The following ASPH variants were observed in gnomAD, a reference collection of about 807,000 sequenced individuals.
The protein encoded by ASPH is aspartate beta-hydroxylase.
A neutral mutation model predicts 118.4 loss-of-function variants in ASPH; 100 were observed. The ratio of observed to expected loss-of-function variants is 0.84; its 90% CI spans 0.72 to 1.00. The LOEUF is 1.00. ASPH is among the 50% of genes least tolerant of loss of function. The probability of loss-of-function intolerance (pLI) is 0.00; values close to 1 mark genes in which losing one functional copy is unlikely to be tolerated. For synonymous variants in ASPH, 315 were observed against 325.6 expected (o/e 0.97, Z 0.35); for missense variants, 920 against 919.5 (o/e 1.00, Z -0.01).
At chr8:61,625,312 C>T in intron 13 of ASPH, 1 of 985,800 alleles carries the variant, frequency 1.0e-6, no homozygotes, top group East Asian at 1.1e-4. Context: ...GAGCTTTTCA[C>T]ACATCCTCAA....
chr8:61,644,699 T>C (rs1806986334), intron 6 of ASPH, 67 bp from the exon 7 acceptor site: 3 of 1,210,794 alleles, frequency 2.5e-6, no homozygotes, highest in Non-Finnish European at 1.1e-6. Context: ...ATCCCGTATA[T>C]GTACTCTGAA....
chr8:61,645,480 AG>A lies in ASPH; in HGVS notation c.620-849del, dbSNP rs199658072. On this transcript the variant is annotated intron_variant, in intron 6 of 24. Transcript: ENST00000379454. Reference sequence around the variant, plus strand: ...CCAAAGACTGGAGAGAAGAAGCAACAGGAAATGTGGAAATCATTTTATCAGT... The same window carrying A: ...CCAAAGACTGGAGAGAAGAAGCAACAGAAATGTGGAAATCATTTTATCAGT... Among the ~76,000 whole-genome samples the A allele has an allele frequency of 5.6e-3, 846 of 152,364 alleles. 8 individuals are homozygous for A. The highest frequency in any genetic ancestry group is 0.019 in the African/African-American group (807 of 41,588).
At chr8:61,582,495 T>C (rs1443190436) in intron 15 of ASPH, among the ~76,000 whole-genome samples, 1 of 152,226 alleles carries the variant, frequency 6.6e-6, no homozygotes, top group Non-Finnish European at 1.5e-5. Context: ...CTTCACTTCA[T>C]AAAGTTAAAC....
intron 13 of ASPH, among the ~76,000 whole-genome samples, chr8:61,627,913 A>C (rs1319975612): frequency 6.6e-6 from 1 of 152,102 alleles, no homozygotes; most frequent in African/African-American, 2.4e-5. Context: ...CTCAAGCCAG[A>C]AATGTAGGAA....
intron 21 of ASPH, among the ~76,000 whole-genome samples, chr8:61,540,153 C>T (rs1438212503): frequency 6.6e-6 from 1 of 152,140 alleles, no homozygotes; most frequent in Non-Finnish European, 1.5e-5. Context: ...CTCCACACTC[C>T]TAGTGCTAGA....
intron 24 of ASPH, among the ~76,000 whole-genome samples, chr8:61,514,741 G>A (rs1240975289): frequency 6.6e-6 from 1 of 151,888 alleles, no homozygotes; most frequent in African/African-American, 2.4e-5. Context: ...AAAAAAACTT[G>A]TTTTTGTGGA....
rs746885529 is a variant in ASPH, at chr8:61,643,343, C to G, written c.757+43G>C. On this transcript the variant is annotated intron_variant, in intron 9 of 24. Coordinates refer to ENST00000379454, the MANE Select transcript of ASPH (RefSeq NM_004318.4). ...TAAACACAGCATGTGATTGAAAAAT[C>G]TAAGGTAATATTTTAAATCTAATGA... 2.2e-5 allele frequency: 34 copies of G among 1,565,180 alleles called. No homozygotes were observed. In the South Asian group the frequency reaches 3.9e-4, roughly 18 times the overall value.
At chr8:61,662,945 C>A in intron 3 of ASPH, 4 of 985,220 alleles carry the variant, frequency 4.1e-6, no homozygotes, top group Non-Finnish European at 4.8e-6. Flanking sequence ...GCCACATAGC[C>A]ATTGAACTTA....
At chr8:61,702,678 T>C (rs948324678) in intron 1 of ASPH, among the ~76,000 whole-genome samples, 1 of 152,180 alleles carries the variant, frequency 6.6e-6, no homozygotes, top group Non-Finnish European at 1.5e-5. Flanking sequence ...ATGACCTTGA[T>C]AACAAAACCA....
intron 16 of ASPH, among the ~76,000 whole-genome samples, chr8:61,570,324 A>T (rs1563857944): frequency 6.6e-6 from 1 of 152,166 alleles, no homozygotes; most frequent in Admixed American, 6.5e-5. Flanking sequence ...AAAAATTGTT[A>T]AGAAAAGACA....
At chr8:61,550,497 G>A (rs1387097010) in intron 20 of ASPH, among the ~76,000 whole-genome samples, 1 of 150,790 alleles carries the variant, frequency 6.6e-6, no homozygotes, top group Non-Finnish European at 1.5e-5. Flanking sequence ...GAGAGAGAGA[G>A]AGACAGAGAC....
chr8:61,556,097 G>T, intron 18 of ASPH, 75 bp from the exon 19 acceptor site: 1 of 1,250,754 alleles, frequency 8.0e-7, no homozygotes, highest in Non-Finnish European at 1.1e-6. Context: ...ACAGATGACT[G>T]TCAAAACCAG....
chr8:61,631,235 C>T (rs1451630634), intron 13 of ASPH, among the ~76,000 whole-genome samples: 2 of 151,622 alleles, frequency 1.3e-5, no homozygotes, highest in African/African-American at 4.8e-5. Context: ...TTACTGTAGC[C>T]CAAGTGTACA....
chr8:61,622,880 T>A (rs1055851382), intron 13 of ASPH, among the ~76,000 whole-genome samples: 1 of 152,188 alleles, frequency 6.6e-6, no homozygotes, highest in African/African-American at 2.4e-5. Context: ...TCAATAAAAG[T>A]GGGTCTGCTT....
intron 11 of ASPH, 150 bp from the exon 12 acceptor site, chr8:61,638,153 T>G: frequency 8.8e-7 from 1 of 1,134,094 alleles, no homozygotes; most frequent in Non-Finnish European, 1.3e-6. Context: ...TTCTGCAGAG[T>G]ATTTATATTA....
At chr8:61,602,999 T>C (rs1171007752) in intron 14 of ASPH, among the ~76,000 whole-genome samples, 2 of 151,700 alleles carry the variant, frequency 1.3e-5, no homozygotes, top group East Asian at 3.9e-4. Context: ...TCGAGACCAG[T>C]CTGGCCAACA....
intron 10 of ASPH, among the ~76,000 whole-genome samples, chr8:61,642,333 T>C (rs1032670581): frequency 7.9e-5 from 12 of 152,324 alleles, no homozygotes; most frequent in African/African-American, 4.8e-5. Flanking sequence ...AGTACTGAGA[T>C]TGGTTTTCTT....
chr8:61,588,927 C>T (rs1406184583), intron 14 of ASPH, among the ~76,000 whole-genome samples: 1 of 152,182 alleles, frequency 6.6e-6, no homozygotes, highest in Non-Finnish European at 1.5e-5. Flanking sequence ...AAATGAAATA[C>T]TACTCAGCAA....
intron 20 of ASPH, among the ~76,000 whole-genome samples, chr8:61,550,676 T>G (rs1825689460): frequency 6.6e-6 from 1 of 152,202 alleles, no homozygotes. Flanking sequence ...GCCTAAGGAT[T>G]GTAAATGCTA....
Sources: gnomAD v4.1 joint callset for allele counts (sites outside exome capture counted in the v4.1 genomes callset) on GRCh38, gnomAD v4.1.1 for gene constraint, MANE v1.5 for transcripts, NCBI Gene and HGNC (gene_info 2026-07-23, HGNC 2026-07-21) for gene names.